Variants in XRCC4 observed in about 807,000 individuals in gnomAD.
XRCC4 encodes X-ray repair cross complementing 4.
A neutral mutation model predicts 39.1 loss-of-function variants in XRCC4; 28 were observed. The ratio of observed to expected loss-of-function variants is 0.72; its 90% CI spans 0.53 to 0.98. The LOEUF is 0.98. Among genes scored for constraint, XRCC4 ranks in the 50% least tolerant of loss-of-function variants. The probability of loss-of-function intolerance (pLI) is 0.00; values close to 1 mark genes in which losing one functional copy is unlikely to be tolerated. For missense variants in XRCC4, 350 were observed against 376.4 expected (o/e 0.93, Z 0.58); for synonymous variants, 123 against 126.4 (o/e 0.97, Z 0.18).
At chr5:83,320,266 G>A (rs1180562139) in intron 7 of XRCC4, among the ~76,000 whole-genome samples, 1 of 147,346 alleles carries the variant, frequency 6.8e-6, no homozygotes, top group African/African-American at 2.5e-5. Flanking sequence ...TAGATGACAC[G>A]TTAGTGGGTG....
intron 7 of XRCC4, among the ~76,000 whole-genome samples, chr5:83,352,699 T>A (rs1222306145): frequency 6.6e-6 from 1 of 152,200 alleles, no homozygotes; most frequent in African/African-American, 2.4e-5. Flanking sequence ...TAAAGGTAAT[T>A]CATGTGACCA....
intron 4 of XRCC4, chr5:83,201,675 C>G (rs1434168217): frequency 6.6e-6 from 1 of 152,134 alleles, no homozygotes; most frequent in Non-Finnish European, 1.5e-5. Flanking sequence ...ACTGACAGGA[C>G]CGGTAATGTT....
intron 6 of XRCC4, among the ~76,000 whole-genome samples, chr5:83,255,412 G>A (rs1248858948): frequency 2.6e-5 from 4 of 152,122 alleles, no homozygotes; most frequent in Non-Finnish European, 5.9e-5. Context: ...AGCTTATACA[G>A]CTAGCCCTTT....
intron 6 of XRCC4, among the ~76,000 whole-genome samples, chr5:83,252,404 A>G (rs1561433613): frequency 6.6e-6 from 1 of 152,032 alleles, no homozygotes; most frequent in African/African-American, 2.4e-5. Context: ...TTCATAATAG[A>G]TGGTGGTTCT....
intron 6 of XRCC4, among the ~76,000 whole-genome samples, chr5:83,234,159 CT>C (rs1435985353): frequency 6.6e-6 from 1 of 152,016 alleles, no homozygotes; most frequent in Non-Finnish European, 1.5e-5. Flanking sequence ...TAAGGCCTAC[CT>C]TTTGCTTTAT....
At chr5:83,167,691 C>T (rs548754021) in intron 3 of XRCC4, among the ~76,000 whole-genome samples, 90 of 152,272 alleles carry the variant, frequency 5.9e-4, no homozygotes, top group Admixed American at 1.5e-3. Flanking sequence ...TTTACACTGT[C>T]CTCATATCAC....
At chr5:83,251,021 A>G (rs1410213167) in intron 6 of XRCC4, among the ~76,000 whole-genome samples, 2 of 152,134 alleles carry the variant, frequency 1.3e-5, no homozygotes, top group Non-Finnish European at 2.9e-5. Flanking sequence ...TTAATTATAA[A>G]CTTTTTGAAT....
chr5:83,090,040 A>G (rs1410356765), intron 1 of XRCC4, among the ~76,000 whole-genome samples: 1 of 152,092 alleles, frequency 6.6e-6, no homozygotes, highest in Non-Finnish European at 1.5e-5. Context: ...AGCTGTTCAC[A>G]TCTCCTTGTT....
chr5:83,134,829 A>G (rs1250251623), intron 3 of XRCC4, among the ~76,000 whole-genome samples: 3 of 152,078 alleles, frequency 2.0e-5, no homozygotes, highest in Non-Finnish European at 4.4e-5. Context: ...CCTGAAGCCA[A>G]CAAGACCATG....
chr5:83,097,344 G>A (rs574325642), intron 1 of XRCC4, among the ~76,000 whole-genome samples: 1 of 130,068 alleles, frequency 7.7e-6, no homozygotes, highest in African/African-American at 3.2e-5. Flanking sequence ...ATATGTTATA[G>A]GTTTTGTTTT....
At chr5:83,339,562 C>T (rs1455064182) in intron 7 of XRCC4, among the ~76,000 whole-genome samples, 2 of 151,902 alleles carry the variant, frequency 1.3e-5, no homozygotes, top group Non-Finnish European at 2.9e-5. Context: ...ACCACCATGG[C>T]ACCTGTATAC....
the XRCC4 span, among the ~76,000 whole-genome samples, chr5:83,369,279 G>A: frequency 3.3e-5 from 5 of 152,130 alleles, no homozygotes; most frequent in Non-Finnish European, 7.4e-5. Flanking sequence ...ATCAGAGGGC[G>A]CATGGGCAGG....
chr5:83,111,118 G>A lies in XRCC4; in HGVS notation c.230G>A (p.Gly77Glu). 6.2e-7 allele frequency: 1 copy of A among 1,611,536 alleles called. No homozygotes were observed. The highest frequency in any genetic ancestry group is 8.5e-7 in the Non-Finnish European group (1 of 1,178,870). The change falls in exon 3 of 8, where the codon GGA becomes GAA. Residue 77 changes from glycine (G) to glutamate (E), a missense_variant. Gly to Glu is a moderately conservative substitution (Grantham distance 98). Transcript: ENST00000396027. ...VGELRKALLS[G>E]AGPADVYTFN... The stretch of plus-strand genomic sequence containing the variant: ...GAACTGAGAAAAGCATTGTTGTCAG[G>A]AGCAGGACCAGCTGATGTATACACG...
At chr5:83,090,798 A>C (rs946285119) in intron 1 of XRCC4, among the ~76,000 whole-genome samples, 1 of 152,152 alleles carries the variant, frequency 6.6e-6, no homozygotes, top group Non-Finnish European at 1.5e-5. Flanking sequence ...GGTTTTGCCA[A>C]CTCTGTGCGA....
chr5:83,284,047 C>CAAAAAA (rs1754645457), intron 7 of XRCC4, among the ~76,000 whole-genome samples: 1 of 77,116 alleles, frequency 1.3e-5, no homozygotes, highest in African/African-American at 5.8e-5. Flanking sequence ...TCTACCAACC[C>CAAAAAA]AGAGCAAAAA....
At chr5:83,099,661 G>C (rs933253376) in intron 1 of XRCC4, among the ~76,000 whole-genome samples, 1 of 152,158 alleles carries the variant, frequency 6.6e-6, no homozygotes, top group African/African-American at 2.4e-5. Flanking sequence ...AGCTACTGAT[G>C]TACAAATTGG....
intron 6 of XRCC4, among the ~76,000 whole-genome samples, chr5:83,254,630 C>T (rs1753459738): frequency 6.6e-6 from 1 of 152,002 alleles, no homozygotes; most frequent in Non-Finnish European, 1.5e-5. Flanking sequence ...GTTGGGATCC[C>T]TTCTGTTGTG....
intron 3 of XRCC4, among the ~76,000 whole-genome samples, chr5:83,180,521 C>G (rs1750158799): frequency 6.6e-6 from 1 of 152,160 alleles, no homozygotes; most frequent in Non-Finnish European, 1.5e-5. Flanking sequence ...TCTTTCTCCA[C>G]TTTGAGAGAA....
intron 3 of XRCC4, among the ~76,000 whole-genome samples, chr5:83,116,554 G>GA (rs1746717290): frequency 6.8e-6 from 1 of 146,876 alleles, no homozygotes; most frequent in African/African-American, 2.5e-5. Flanking sequence ...CTGATATTTT[G>GA]AAAATCCTGT....
Sources: gnomAD v4.1 joint callset for allele counts (sites outside exome capture counted in the v4.1 genomes callset) on GRCh38, gnomAD v4.1.1 for gene constraint, MANE v1.5 for transcripts, NCBI Gene and HGNC (gene_info 2026-07-23, HGNC 2026-07-21) for gene names.